NCOA7: variants seen among roughly 807,000 people sequenced by gnomAD.
NCOA7 encodes 140 kDa estrogen receptor-associated protein.
NCOA7 carries 45 observed loss-of-function variants against 104.3 expected under a neutral mutation model. The observed-to-expected ratio is 0.43, with a 90% CI of 0.34 to 0.55. The LOEUF (loss-of-function observed/expected upper bound fraction) is 0.55, where lower values mean the gene tolerates loss of function less well. NCOA7 is among the 20% of genes least tolerant of loss of function. NCOA7 has a pLI of 0.02. For missense variants in NCOA7, 1,041 were observed against 1,119.7 expected (o/e 0.93, Z 1.00); for synonymous variants, 398 against 402.3 (o/e 0.99, Z 0.13).
chr6:125,783,033 G>C (rs1307731373), intron 1 of NCOA7, among the ~76,000 whole-genome samples: 1 of 152,140 alleles, frequency 6.6e-6, no homozygotes, highest in Non-Finnish European at 1.5e-5. Flanking sequence ...GAAAAGGGAG[G>C]AAGGGGAACC....
chr6:125,889,927 A>G lies in NCOA7; in HGVS notation c.1873A>G (p.Asn625Asp). The G allele has an allele frequency of 6.3e-7, 1 of 1,577,678 alleles. No individual in the cohort carries two copies. Among genetic ancestry groups the G allele is most frequent in the Non-Finnish European group, 8.6e-7 (1 of 1,166,398 alleles). Reference protein sequence around the residue: ...DNSCQGAQMDNKSEVQLWLLK... With the variant: ...DNSCQGAQMDDKSEVQLWLLK... ...CAGCTGTCAAGGTGCACAAATGGATAATAAATCTGAAGTTCAGTTGTGGCT... is the reference window on the plus strand; with the variant it reads ...CAGCTGTCAAGGTGCACAAATGGATGATAAATCTGAAGTTCAGTTGTGGCT... Residue 625 changes from asparagine to aspartate, a missense_variant, in exon 9 of 16, where the codon AAT becomes GAT. By Grantham distance (23) the Asn-to-Asp change is conservative. Around this residue, in one of 2 missense-constraint regions of NCOA7, gnomAD observed 914 missense variants for 942.7 expected, o/e 0.97. Transcript: ENST00000392477.
chr6:125,851,097 TA>T (rs1470868703), intron 2 of NCOA7, among the ~76,000 whole-genome samples: 4 of 152,324 alleles, frequency 2.6e-5, no homozygotes, highest in East Asian at 3.9e-4. Context: ...GATTTTTGGT[TA>T]TTTTTTTATT....
intron 10 of NCOA7, among the ~76,000 whole-genome samples, chr6:125,892,011 C>T (rs572878527): frequency 6.6e-6 from 1 of 152,134 alleles, no homozygotes; most frequent in Non-Finnish European, 1.5e-5. Context: ...TTCTGAAGCT[C>T]TGTTAAAATT....
At chr6:125,910,969 A>G (rs768427660) in intron 10 of NCOA7, among the ~76,000 whole-genome samples, 2 of 152,348 alleles carry the variant, frequency 1.3e-5, no homozygotes, top group South Asian at 4.1e-4. Flanking sequence ...ATCAGACCCA[A>G]CACCAGGTCG....
At chr6:125,881,582 G>T (rs1328962279) in intron 6 of NCOA7, among the ~76,000 whole-genome samples, 1 of 150,346 alleles carries the variant, frequency 6.7e-6, no homozygotes, top group South Asian at 2.1e-4. Flanking sequence ...GTGGTGGGAG[G>T]ATCACTTGAG....
intron 2 of NCOA7, among the ~76,000 whole-genome samples, chr6:125,853,419 T>G (rs913484569): frequency 6.6e-6 from 1 of 152,230 alleles, no homozygotes; most frequent in Non-Finnish European, 1.5e-5. Context: ...CTGATTGCTC[T>G]GGCTAGGACT....
At chr6:125,830,233 A>G (rs940095451) in intron 2 of NCOA7, among the ~76,000 whole-genome samples, 2 of 152,200 alleles carry the variant, frequency 1.3e-5, no homozygotes, top group Non-Finnish European at 2.9e-5. Flanking sequence ...TTATCATTGC[A>G]TGTGTTTAAA....
At position 125,929,250 on chromosome 6, in the gene NCOA7, T is replaced by A. The variant is rs1062718; in HGVS notation, c.*479T>A. 67,144 of 121,858 alleles carry A rather than the reference T, an allele frequency of 0.55. 16,081 individuals are homozygous for A. The highest frequency in any genetic ancestry group is 0.63 in the East Asian group (2,586 of 4,090). The allele number at this position is 121,858 out of a possible 1,614,324, so 7.5% of individuals were successfully genotyped here. A position where few individuals can be genotyped will look rare whatever the true frequency, so the allele number is the denominator to read the frequency against. On this transcript the variant is annotated 3_prime_UTR_variant, in exon 16 of 16. Transcript: ENST00000392477. ...AGGGAATATATGAGGTTTTTTTTTTTTTAAAAAAAAACTTTTATTTATTAT... is the reference window on the plus strand; with the variant it reads ...AGGGAATATATGAGGTTTTTTTTTTATTAAAAAAAAACTTTTATTTATTAT...
chr6:125,927,070 T>C (rs1788095846), intron 13 of NCOA7, among the ~76,000 whole-genome samples: 1 of 152,228 alleles, frequency 6.6e-6, no homozygotes, highest in South Asian at 2.1e-4. Context: ...CTCCATGATA[T>C]TACGGGGTTA....
chr6:125,853,271 T>A (rs1339969815), intron 2 of NCOA7, among the ~76,000 whole-genome samples: 1 of 152,240 alleles, frequency 6.6e-6, no homozygotes, highest in Non-Finnish European at 1.5e-5. Flanking sequence ...ATCCTGAGAC[T>A]TTACTGAATT....
At chr6:125,804,789 T>A (rs187497625) in intron 1 of NCOA7, among the ~76,000 whole-genome samples, 60 of 152,190 alleles carry the variant, frequency 3.9e-4, no homozygotes, top group East Asian at 7.7e-4. Flanking sequence ...AATTTTTTTT[T>A]AAAAAAAGAA....
intron 1 of NCOA7, among the ~76,000 whole-genome samples, chr6:125,794,894 A>G (rs1775160657): frequency 6.6e-6 from 1 of 152,228 alleles, no homozygotes; most frequent in Non-Finnish European, 1.5e-5. Context: ...CTGAAGGGCT[A>G]GCCTAACTTA....
intron 3 of NCOA7, among the ~76,000 whole-genome samples, chr6:125,867,279 G>A (rs1248062037): frequency 2.0e-5 from 3 of 152,168 alleles, no homozygotes; most frequent in Admixed American, 1.3e-4. Flanking sequence ...ATCTGCTAAT[G>A]ACCACATTTT....
chr6:125,859,556 T>C (rs1781869547), intron 3 of NCOA7, among the ~76,000 whole-genome samples: 2 of 152,214 alleles, frequency 1.3e-5, no homozygotes, highest in African/African-American at 4.8e-5. Flanking sequence ...GTTACAGAAA[T>C]TTTGAGGCAG....
chr6:125,899,942 G>A lies in NCOA7; in HGVS notation c.2096+9132G>A, dbSNP rs1408277461. 9.5e-6 allele frequency: 5 copies of A among 528,556 alleles called. No homozygotes were observed. In the African/African-American group the frequency reaches 9.6e-5, roughly 10 times the overall value. 32.7% of individuals were successfully genotyped at this position (528,556 alleles called of 1,614,324 possible). Reference sequence around the variant, plus strand: ...GGTGGCGGAGCAAGCTTGGAGACAAGTAGCTTTGGAGAATAGCTGAGGGTC... The same window carrying A: ...GGTGGCGGAGCAAGCTTGGAGACAAATAGCTTTGGAGAATAGCTGAGGGTC... On this transcript the variant is annotated intron_variant, in intron 10 of 15. Transcript: ENST00000392477.
At chr6:125,885,960 C>T (rs1784224973) in intron 8 of NCOA7, among the ~76,000 whole-genome samples, 1 of 151,822 alleles carries the variant, frequency 6.6e-6, no homozygotes, top group South Asian at 2.1e-4. Context: ...GGAAGCTCCC[C>T]AGGAAAAAAG....
chr6:125,842,634 G>A (rs1027767442), intron 2 of NCOA7, among the ~76,000 whole-genome samples: 3 of 152,138 alleles, frequency 2.0e-5, no homozygotes, highest in Non-Finnish European at 4.4e-5. Flanking sequence ...ACAGCTTTGT[G>A]TAAGGGATTA....
At chr6:125,803,148 G>A (rs1469711188) in intron 1 of NCOA7, among the ~76,000 whole-genome samples, 1 of 152,196 alleles carries the variant, frequency 6.6e-6, no homozygotes, top group East Asian at 1.9e-4. Flanking sequence ...TGTTGATTGT[G>A]TGGCACTATT....
At chr6:125,847,935 A>G (rs1371587189) in intron 2 of NCOA7, among the ~76,000 whole-genome samples, 1 of 152,224 alleles carries the variant, frequency 6.6e-6, no homozygotes, top group Non-Finnish European at 1.5e-5. Flanking sequence ...CAGAATCTAC[A>G]AAGAACTCAA....
Sources: allele counts gnomAD v4.1 joint callset (sites outside exome capture counted in the v4.1 genomes callset), GRCh38; gene constraint gnomAD v4.1.1; regional missense constraint gnomAD v4.1.1; transcripts MANE v1.5; gene names NCBI Gene and HGNC (gene_info 2026-07-23, HGNC 2026-07-21).